Variants in IFNAR1 observed in about 807,000 individuals in gnomAD.
The protein encoded by IFNAR1 is interferon alpha and beta receptor subunit 1.
IFNAR1 carries 47 observed loss-of-function variants against 62.1 expected under a neutral mutation model. That is an observed-to-expected ratio of 0.76 (90% CI 0.60 to 0.97). The LOEUF is 0.97. Among genes scored for constraint, IFNAR1 ranks in the 50% least tolerant of loss-of-function variants. The pLI is 0.00. For synonymous variants in IFNAR1, 219 were observed against 226.9 expected, an observed-to-expected ratio of 0.97 and a Z score of 0.31; for missense variants, 638 against 654.5, an observed-to-expected ratio of 0.97 and a Z score of 0.27.
At chr21:33,332,679 AAAACAACC>A (rs2083193149) in intron 1 of IFNAR1, among the ~76,000 whole-genome samples, 1 of 152,234 alleles carries the variant, frequency 6.6e-6, no homozygotes, top group African/African-American at 2.4e-5. Context: ...AACATGATGA[AAAACAACC>A]AAACAAATCC....
chr21:33,348,872 C>T (rs2083373575), intron 6 of IFNAR1, among the ~76,000 whole-genome samples: 1 of 152,104 alleles, frequency 6.6e-6, no homozygotes, highest in Admixed American at 6.6e-5. Context: ...GATGTTCTTG[C>T]ATATTGATAT....
intron 8 of IFNAR1, among the ~76,000 whole-genome samples, chr21:33,351,529 A>G (rs1185671330): frequency 6.7e-6 from 1 of 150,104 alleles, no homozygotes; most frequent in African/African-American, 2.5e-5. Flanking sequence ...TGTTATCTAT[A>G]TTTTTTTATT....
In IFNAR1 at chr21:33,349,280, T is replaced by C. The variant is rs781319295; in HGVS notation, c.978T>C (p.Thr326=). ...GGTCTGAAGAGATAAAGTTTGATAC[T>C]GAAATACAAGGTAAGGCAGTAGTTT... ...SFWSEEIKFD[T]EIQAFLLPPV... is the part of the protein sequence containing the mutation. The change falls in exon 7 of 11, where the codon ACT becomes ACC. Residue 326 remains threonine (T), a synonymous_variant. Coordinates refer to ENST00000270139, the MANE Select transcript of IFNAR1 (RefSeq NM_000629.3). 1 of 1,602,500 alleles carries C rather than the reference T, an allele frequency of 6.2e-7. No individual in the cohort carries two copies. The highest frequency in any genetic ancestry group is 1.1e-5 in the South Asian group (1 of 89,380).
rs145179119 is a variant in IFNAR1 at position 33,327,399 on chromosome 21, A to T, written c.76+2268A>T. On this transcript the variant is annotated intron_variant, in intron 1 of 10. Coordinates refer to ENST00000270139, the MANE Select transcript of IFNAR1 (RefSeq NM_000629.3). The stretch of plus-strand genomic sequence containing the variant: ...AGTGTTTTAAAGGTATAAACTCATT[A>T]AGCTTTCAGAGCAGTGTAGATACTG... Among the ~76,000 whole-genome samples the T allele has an allele frequency of 2.2e-3, 335 of 152,312 alleles. 1 individual carries two copies. The highest frequency in any genetic ancestry group is 7.9e-3 in the African/African-American group (328 of 41,580).
chr21:33,339,725 C>T (rs2083275931), intron 2 of IFNAR1, among the ~76,000 whole-genome samples: 1 of 151,636 alleles, frequency 6.6e-6, no homozygotes, highest in East Asian at 1.9e-4. Context: ...AGTTTAAGAT[C>T]AGTCTAGCCA....
intron 2 of IFNAR1, among the ~76,000 whole-genome samples, chr21:33,337,265 G>A (rs893994598): frequency 1.3e-5 from 2 of 151,998 alleles, no homozygotes; most frequent in African/African-American, 4.8e-5. Context: ...CGATATATTG[G>A]ACCTTGCATT....
chr21:33,333,635 T>A (rs1361214428), intron 1 of IFNAR1, among the ~76,000 whole-genome samples: 1 of 145,042 alleles, frequency 6.9e-6, no homozygotes, highest in East Asian at 1.9e-4. Flanking sequence ...TCTTTTTTTT[T>A]TTTTTTGAGA....
upstream of IFNAR1, chr21:33,324,891 C>A: frequency 7.1e-6 from 2 of 281,844 alleles, no homozygotes; most frequent in East Asian, 1.0e-4. Flanking sequence ...CGCGGAGGGG[C>A]GGTGTGTGTG....
Position 33,355,732 on chromosome 21 carries a change from A to G in IFNAR1, c.*183A>G, listed in dbSNP as rs2123278065. The G allele has an allele frequency of 2.7e-6, 1 of 369,112 alleles. No individual in the cohort carries two copies. The highest frequency in any genetic ancestry group is 4.9e-6 in the Non-Finnish European group (1 of 205,144). 22.9% of individuals were successfully genotyped at this position (369,112 alleles called of 1,614,324 possible). ...CTCTTAACTATTTAAAAATGAAATT[A>G]CAGGCCCGGGCACGGTGGCTCACAC... On this transcript the variant is annotated 3_prime_UTR_variant, in exon 11 of 11. Coordinates refer to ENST00000270139, the MANE Select transcript of IFNAR1 (RefSeq NM_000629.3).
chr21:33,353,539 A>T, intron 9 of IFNAR1, 99 bp from the exon 10 acceptor site: 1 of 642,608 alleles, frequency 1.6e-6, no homozygotes, highest in Non-Finnish European at 2.6e-6. Flanking sequence ...AATAGATTTT[A>T]TATTTCCTTT....
chr21:33,340,055 A>AT (rs2123679275), intron 2 of IFNAR1, among the ~76,000 whole-genome samples: 1 of 149,342 alleles, frequency 6.7e-6, no homozygotes, highest in Non-Finnish European at 1.5e-5. Flanking sequence ...TGCCCACTTT[A>AT]TTTTTCATGT....
At chr21:33,337,630 A>G (rs1439445380) in intron 2 of IFNAR1, among the ~76,000 whole-genome samples, 1 of 91,042 alleles carries the variant, frequency 1.1e-5, no homozygotes, top group East Asian at 2.9e-4. Flanking sequence ...ATATATGCAT[A>G]TATACACTAT....
chr21:33,335,361 A>T (rs1164845609), intron 1 of IFNAR1, among the ~76,000 whole-genome samples, 163 bp from the exon 2 acceptor site: 8 of 152,232 alleles, frequency 5.3e-5, no homozygotes, highest in Admixed American at 1.3e-4. Flanking sequence ...AATTATCAGC[A>T]TCCCTGTGCT....
intron 6 of IFNAR1, among the ~76,000 whole-genome samples, chr21:33,348,001 T>C (rs986875811): frequency 2.0e-5 from 3 of 152,138 alleles, no homozygotes; most frequent in African/African-American, 7.2e-5. Context: ...GGAAGGTGCA[T>C]GCGGCGACAT....
At chr21:33,343,047 T>C (rs984382786) in intron 3 of IFNAR1, among the ~76,000 whole-genome samples, 5 of 152,222 alleles carry the variant, frequency 3.3e-5, no homozygotes, top group Admixed American at 2.0e-4. Context: ...TCGCTTCATC[T>C]TCCCAACTTT....
At chr21:33,324,892 G>GGTGTGTGTGTGTGTGTGTGTGTGTGTGT (rs36158718), upstream of IFNAR1, 168 of 571,620 alleles carry the variant, frequency 2.9e-4, no homozygotes, top group East Asian at 1.7e-3. Context: ...GCGGAGGGGC[G>GGTGTGTGTGTGTGTGTGTGTGTGTGTGT]GTGTGTGTGT....
At position 33,331,205 on chromosome 21, in the gene IFNAR1, T is replaced by A. The variant is rs17875777; in HGVS notation, c.77-4319T>A. On this transcript the variant is annotated intron_variant, in intron 1 of 10. Transcript: ENST00000270139. The stretch of plus-strand genomic sequence containing the variant: ...TACCCCACTGCCCTTGGGCTAGAGC[T>A]GAAGCAGTATCCTATTTCCTGGGAA... Among the ~76,000 whole-genome samples, 708 of 152,296 alleles carry A rather than the reference T, an allele frequency of 4.6e-3. 7 individuals are homozygous for A. The highest frequency in any genetic ancestry group is 0.016 in the African/African-American group (661 of 41,556).
At chr21:33,341,999 GATTA>G (rs2083296080) in intron 3 of IFNAR1, among the ~76,000 whole-genome samples, 1 of 152,128 alleles carries the variant, frequency 6.6e-6, no homozygotes, top group South Asian at 2.1e-4. Flanking sequence ...TTTCTTAATG[GATTA>G]ATTAGTTAAA....
chr21:33,352,869 A>G lies in IFNAR1; in HGVS notation c.1255A>G (p.Ser419Gly). 1 of 1,602,300 alleles carries G rather than the reference A, an allele frequency of 6.2e-7. No homozygotes were observed. Among genetic ancestry groups the G allele is most frequent in the Non-Finnish European group, 8.5e-7 (1 of 1,171,948 alleles). ...CATGGATGAAAAGCTGAATAAAAGC[A>G]GTGTTTTTAGTGACGCTGTATGTGA... Reference protein sequence around the residue: ...HTMDEKLNKSSVFSDAVCEKT... With the variant: ...HTMDEKLNKSGVFSDAVCEKT... Residue 419 changes from serine to glycine, a missense_variant, in exon 9 of 11, where the codon AGT becomes GGT. By Grantham distance (56) the Ser-to-Gly change is moderately conservative (BLOSUM62 0). Coordinates refer to ENST00000270139, the MANE Select transcript of IFNAR1 (RefSeq NM_000629.3).
Sources: allele counts gnomAD v4.1 joint callset (sites outside exome capture counted in the v4.1 genomes callset), GRCh38; gene constraint gnomAD v4.1.1; transcripts MANE v1.5; gene names NCBI Gene and HGNC (gene_info 2026-07-23, HGNC 2026-07-21).